The following DLG2 variants were observed in gnomAD, a reference collection of about 807,000 sequenced individuals.
DLG2 encodes disks large homolog 2.
DLG2 carries 45 observed loss-of-function variants against 132.5 expected under a neutral mutation model. The observed-to-expected ratio is 0.34, with a 90% CI of 0.27 to 0.44. DLG2 has a LOEUF of 0.44. Among genes scored for constraint, DLG2 ranks in the 20% least tolerant of loss-of-function variants. The pLI is 1.00. For synonymous variants in DLG2, 424 were observed against 419.6 expected, an observed-to-expected ratio of 1.01 and a Z score of -0.13; for missense variants, 1,045 against 1,196.9, an observed-to-expected ratio of 0.87 and a Z score of 1.87.
chr11:83,589,319 G>T (rs1170544576), intron 19 of DLG2, among the ~76,000 whole-genome samples: 2 of 147,394 alleles, frequency 1.4e-5, no homozygotes, highest in African/African-American at 5.0e-5. Context: ...AGCCAGAAGA[G>T]AGTGGGGGCC....
chr11:83,834,015 C>T (rs888680901), intron 16 of DLG2, among the ~76,000 whole-genome samples: 67 of 152,220 alleles, frequency 4.4e-4, no homozygotes, highest in African/African-American at 1.6e-3. Context: ...ATTTCTTAAA[C>T]TACCTTTACT....
At chr11:85,430,243 C>T (rs1208929255) in intron 3 of DLG2, among the ~76,000 whole-genome samples, 2 of 151,314 alleles carry the variant, frequency 1.3e-5, no homozygotes, top group African/African-American at 4.9e-5. Flanking sequence ...AGGAGATATA[C>T]CTAATGTTAA....
rs144689833 is a variant in DLG2 at position 83,541,684 on chromosome 11, C to T, written c.2115G>A (p.Arg705=). ...TCTAGTACAAAAGGCATTCTTACCTCCTTTTGCTGGGGATGACCCCCATCT... is the reference window on the plus strand; with the variant it reads ...TCTAGTACAAAAGGCATTCTTACCTTCTTTTGCTGGGGATGACCCCCATCT... ...SEEMGVIPSK[R]RVERKERARL... The change falls in exon 20 of 28, where the codon AGG becomes AGA. Residue 705 remains arginine, a splice_region_variant and synonymous_variant. Transcript: ENST00000376104. 2 of 1,599,578 alleles carry T rather than the reference C, an allele frequency of 1.3e-6. No homozygotes were observed. Among genetic ancestry groups the T allele is most frequent in the Non-Finnish European group, 1.7e-6 (2 of 1,173,270 alleles).
chr11:83,631,219 G>A (rs2063511133), intron 19 of DLG2: 1 of 136,364 alleles, frequency 7.3e-6, no homozygotes, highest in Admixed American at 7.5e-5. Flanking sequence ...TGAGAATAAG[G>A]CCAGGGGGCT....
chr11:83,986,263 T>C (rs1466307967), intron 11 of DLG2, among the ~76,000 whole-genome samples: 7 of 146,192 alleles, frequency 4.8e-5, no homozygotes, highest in African/African-American at 2.5e-5. Flanking sequence ...CCTGTGTCCA[T>C]GTGTTCTCAT....
intron 3 of DLG2, among the ~76,000 whole-genome samples, chr11:85,394,200 A>T (rs752060131): frequency 6.6e-6 from 1 of 152,220 alleles, no homozygotes; most frequent in African/African-American, 2.4e-5. Context: ...AAGATATTTT[A>T]AAACAAATGA....
chr11:84,229,231 A>C (rs893059902), intron 8 of DLG2, among the ~76,000 whole-genome samples: 10 of 152,184 alleles, frequency 6.6e-5, no homozygotes, highest in Non-Finnish European at 1.2e-4. Context: ...TCCCTGTAAT[A>C]AAAAAGAGCG....
chr11:84,227,575 A>T (rs2097020717), intron 8 of DLG2, among the ~76,000 whole-genome samples: 1 of 152,176 alleles, frequency 6.6e-6, no homozygotes, highest in Non-Finnish European at 1.5e-5. Context: ...TACCTCACTT[A>T]TCTCAGTATT....
At chr11:84,061,461 G>A (rs1400346302) in intron 10 of DLG2, among the ~76,000 whole-genome samples, 2 of 152,170 alleles carry the variant, frequency 1.3e-5, no homozygotes, top group Non-Finnish European at 2.9e-5. Context: ...ACTTCCAAGT[G>A]ATTAAGTCCT....
chr11:84,978,993 G>A (rs1309177797), intron 6 of DLG2, among the ~76,000 whole-genome samples: 1 of 152,090 alleles, frequency 6.6e-6, no homozygotes, highest in East Asian at 1.9e-4. Flanking sequence ...ATCAACAAGT[G>A]GGCAAAGATA....
At chr11:83,575,079 T>C (rs532206886) in intron 19 of DLG2, among the ~76,000 whole-genome samples, 8 of 152,308 alleles carry the variant, frequency 5.3e-5, no homozygotes, top group African/African-American at 1.9e-4. Flanking sequence ...TGCAAGGGTA[T>C]ATGAGATAGG....
chr11:83,600,505 A>T (rs879683604), intron 19 of DLG2, among the ~76,000 whole-genome samples: 11 of 152,214 alleles, frequency 7.2e-5, no homozygotes, highest in Non-Finnish European at 1.3e-4. Flanking sequence ...GATGCTGTGG[A>T]TTACTATCGT....
At position 85,184,348 on chromosome 11, in the gene DLG2, C is replaced by CT. The variant is rs532066686; in HGVS notation, c.187-29698dup. On this transcript the variant is annotated intron_variant, in intron 4 of 27. Coordinates refer to ENST00000376104, the MANE Select transcript of DLG2 (RefSeq NM_001142699.3). ...ATTTTTTTTTATAAAAGAGATTTTCCTTTTTTTTTTTTTAGGAACAGGTGT... is the reference window on the plus strand; with the variant it reads ...ATTTTTTTTTATAAAAGAGATTTTCCTTTTTTTTTTTTTTAGGAACAGGTGT... Among the ~76,000 whole-genome samples, 196 of 141,640 alleles carry CT rather than the reference C, an allele frequency of 1.4e-3. 3 individuals are homozygous for CT. Among genetic ancestry groups the CT allele is most frequent in the Middle Eastern group, 0.011 (3 of 276 alleles). 92.9% of individuals were successfully genotyped at this position (141,640 alleles called of 152,430 possible).
intron 3 of DLG2, among the ~76,000 whole-genome samples, chr11:85,445,568 T>C (rs2091972346): frequency 6.6e-6 from 1 of 152,086 alleles, no homozygotes; most frequent in Admixed American, 6.6e-5. Context: ...TAATCCCAGC[T>C]ACTCAGGAGG....
intron 11 of DLG2, among the ~76,000 whole-genome samples, chr11:84,035,208 T>C (rs935899167): frequency 2.0e-5 from 3 of 152,162 alleles, no homozygotes; most frequent in Non-Finnish European, 2.9e-5. Context: ...ACAGAATTCT[T>C]TCCTATTACA....
At chr11:84,785,072 T>C (rs1218755955) in intron 6 of DLG2, among the ~76,000 whole-genome samples, 6 of 152,054 alleles carry the variant, frequency 3.9e-5, no homozygotes, top group Admixed American at 3.3e-4. Flanking sequence ...CATACAATTT[T>C]GTGTCAATTT....
At chr11:85,431,257 C>T in intron 3 of DLG2, among the ~76,000 whole-genome samples, 1 of 152,100 alleles carries the variant, frequency 6.6e-6, no homozygotes, top group African/African-American at 2.4e-5. Context: ...CTAGGGTGAC[C>T]CACAGAGAGG....
intron 3 of DLG2, among the ~76,000 whole-genome samples, chr11:85,484,056 C>T (rs927730382): frequency 2.1e-4 from 32 of 151,954 alleles, no homozygotes; most frequent in African/African-American, 6.0e-4. Flanking sequence ...GGCACGAGAC[C>T]GATAGTCAAC....
In DLG2 at chr11:85,480,488, G is replaced by A. The variant is rs560644757; in HGVS notation, c.40+118169C>T. Among the ~76,000 whole-genome samples, 23 of 151,996 alleles carry A rather than the reference G, an allele frequency of 1.5e-4. No homozygotes were observed. The South Asian group carries it at 3.3e-3, about 22-fold the overall frequency. ...GATGTGATATTGAACAAAAAAAGGC[G>A]AGCTGCAAAAAAATGCAACATCATA... On this transcript the variant is annotated intron_variant, in intron 3 of 27. Transcript: ENST00000376104.
Sources: allele counts gnomAD v4.1 joint callset (sites outside exome capture counted in the v4.1 genomes callset), GRCh38; gene constraint gnomAD v4.1.1; transcripts MANE v1.5; gene names NCBI Gene and HGNC (gene_info 2026-07-23, HGNC 2026-07-21).